Variants in CAND1 observed in about 807,000 individuals in gnomAD.
The protein encoded by CAND1 is cullin-associated NEDD8-dissociated protein 1.
Under a neutral mutation model 108.5 loss-of-function variants are expected in CAND1, and 7 were observed. The observed-to-expected ratio is 0.06, with a 90% CI of 0.04 to 0.12. The LOEUF (loss-of-function observed/expected upper bound fraction) is 0.12. CAND1 is among the 10% of genes least tolerant of loss of function. CAND1 has a pLI of 1.00. For synonymous variants in CAND1, 534 were observed against 512.0 expected (o/e 1.04, Z -0.58); for missense variants, 941 against 1,448.7 (o/e 0.65, Z 5.69).
intron 7 of CAND1, among the ~76,000 whole-genome samples, chr12:67,300,853 G>GT (rs2044818242): frequency 6.6e-6 from 1 of 152,130 alleles, no homozygotes; most frequent in South Asian, 2.1e-4. Flanking sequence ...GAAGAAAGCA[G>GT]TAGCAATGTA....
At chr12:67,309,771 TC>T (rs1321450092) in intron 11 of CAND1, 129 bp from the exon 12 acceptor site, 1 of 627,122 alleles carries the variant, frequency 1.6e-6, no homozygotes, top group Admixed American at 3.1e-5. Flanking sequence ...ATCAGGTTCT[TC>T]CCTGACCGTC....
At chr12:67,274,785 G>C (rs925488572) in intron 1 of CAND1, among the ~76,000 whole-genome samples, 1 of 151,976 alleles carries the variant, frequency 6.6e-6, no homozygotes, top group Non-Finnish European at 1.5e-5. Flanking sequence ...GATATTGGAC[G>C]GTATTTTCTT....
intron 1 of CAND1, among the ~76,000 whole-genome samples, chr12:67,277,899 A>G (rs2044584641): frequency 6.6e-6 from 1 of 152,168 alleles, no homozygotes; most frequent in Admixed American, 6.5e-5. Flanking sequence ...TCCATTCAGT[A>G]TGGCCAAATG....
At position 67,305,384 on chromosome 12, in the gene CAND1, C is replaced by A. The variant is rs747489110; in HGVS notation, c.1716C>A (p.Thr572=). The A allele has an allele frequency of 6.2e-7, 1 of 1,614,098 alleles. No homozygotes were observed. The highest frequency in any genetic ancestry group is 8.5e-7 in the Non-Finnish European group (1 of 1,180,006). The stretch of plus-strand genomic sequence containing the variant: ...ATATCAAAGATCTATTTACCTGTAC[C>A]ATTAAGAGATTAAAAGCAGCTGACA... ...TPYIKDLFTC[T]IKRLKAADID... is the part of the protein sequence containing the mutation. The change falls in exon 10 of 15, where the codon ACC becomes ACA. Residue 572 remains threonine (T), a synonymous_variant. Coordinates refer to ENST00000545606, the MANE Select transcript of CAND1 (RefSeq NM_018448.5). This position sits in a 1 kb window ranked among gnomAD's most constrained non-coding sequence, Gnocchi z 4.4.
intron 4 of CAND1, among the ~76,000 whole-genome samples, chr12:67,296,872 A>G (rs899269286): frequency 6.6e-6 from 1 of 152,138 alleles, no homozygotes; most frequent in Non-Finnish European, 1.5e-5. Context: ...ATCATGGCTC[A>G]TTGCAGCCTC....
intron 1 of CAND1, chr12:67,270,149 G>C: frequency 5.0e-6 from 1 of 201,702 alleles, no homozygotes; most frequent in Non-Finnish European, 1.0e-5. Context: ...TAGGCCGGGA[G>C]ACCGGGCGCC....
chr12:67,279,388 C>T (rs937504126), intron 1 of CAND1, among the ~76,000 whole-genome samples: 5 of 152,040 alleles, frequency 3.3e-5, no homozygotes, highest in African/African-American at 1.2e-4. Flanking sequence ...CCATGGACAG[C>T]TTTCAAACTG....
In CAND1 at chr12:67,292,130, G is replaced by C. The variant is rs2044728157; in HGVS notation, c.213-492G>C. Among the ~76,000 whole-genome samples the C allele has an allele frequency of 1.2e-4, 19 of 152,062 alleles. No individual in the cohort carries two copies. In the South Asian group the frequency reaches 3.9e-3, roughly 32 times the overall value. On this transcript the variant is annotated intron_variant, in intron 2 of 14. Transcript: ENST00000545606. ...GATCCACCCGCCTGGTCCTCCCGAA[G>C]TGCTGGGATTACAGGTATGAGCCAC... is the stretch of plus-strand genomic sequence containing the variant.
intron 3 of CAND1, 73 bp downstream of exon 3, chr12:67,292,849 C>CT: frequency 2.7e-6 from 4 of 1,476,334 alleles, no homozygotes; most frequent in Non-Finnish European, 3.8e-6. Context: ...TTTTCCCCTT[C>CT]TGGCCAAGGA....
intron 2 of CAND1, among the ~76,000 whole-genome samples, chr12:67,288,083 T>C (rs1332563412): frequency 6.6e-6 from 1 of 151,948 alleles, no homozygotes; most frequent in Non-Finnish European, 1.5e-5. Flanking sequence ...TAAAGTGTTT[T>C]ATAAGTGTCA....
rs2045018332 is a variant in CAND1, at chr12:67,317,448, C to CT, written c.*4624dup. ...TTGCCCAGCCACATGTTGTTGATTT[C>CT]TTTTTTCTTTTTTTTTCTTTCTTAA... On this transcript the variant is annotated 3_prime_UTR_variant, in exon 15 of 15. Coordinates refer to ENST00000545606, the MANE Select transcript of CAND1 (RefSeq NM_018448.5). 1 of 129,894 alleles carries CT rather than the reference C, an allele frequency of 7.7e-6. No individual in the cohort carries two copies. Among genetic ancestry groups the CT allele is most frequent in the Non-Finnish European group, 1.7e-5 (1 of 58,384 alleles). The allele number at this position is 129,894 out of a possible 1,614,324, so 8.0% of individuals were successfully genotyped here.
At chr12:67,309,295 T>C (rs1461970837) in intron 11 of CAND1, among the ~76,000 whole-genome samples, 1 of 151,984 alleles carries the variant, frequency 6.6e-6, no homozygotes, top group Non-Finnish European at 1.5e-5. Flanking sequence ...CTAGATGGCT[T>C]CTCTGGCTTT....
At chr12:67,312,004 C>G (rs1000123397) in intron 14 of CAND1, among the ~76,000 whole-genome samples, 34 of 152,130 alleles carry the variant, frequency 2.2e-4, no homozygotes, top group African/African-American at 7.5e-4. Context: ...ATTGCTATAT[C>G]AATATGTTAA....
chr12:67,295,193 A>G, intron 4 of CAND1, 37 bp downstream of exon 4: 1 of 1,547,276 alleles, frequency 6.5e-7, no homozygotes, highest in South Asian at 1.2e-5. Context: ...CTCGTAATAC[A>G]GATAACTACA....
At chr12:67,293,444 A>G (rs1395667457) in intron 3 of CAND1, among the ~76,000 whole-genome samples, 3 of 152,200 alleles carry the variant, frequency 2.0e-5, no homozygotes, top group Non-Finnish European at 4.4e-5. Context: ...TCATGGGAAG[A>G]TTTAGATTGG....
intron 1 of CAND1, among the ~76,000 whole-genome samples, chr12:67,279,388 C>A (rs937504126): frequency 6.6e-6 from 1 of 152,040 alleles, no homozygotes; most frequent in African/African-American, 2.4e-5. Context: ...CCATGGACAG[C>A]TTTCAAACTG....
At chr12:67,281,325 C>G (rs1487526916) in intron 1 of CAND1, among the ~76,000 whole-genome samples, 4 of 151,244 alleles carry the variant, frequency 2.6e-5, no homozygotes, top group Non-Finnish European at 5.9e-5. Flanking sequence ...GCAAGACTCC[C>G]TCTACAAAAA....
At chr12:67,278,622 G>A (rs918844461) in intron 1 of CAND1, among the ~76,000 whole-genome samples, 1 of 152,016 alleles carries the variant, frequency 6.6e-6, no homozygotes, top group African/African-American at 2.4e-5. Context: ...AGGTTCAAGC[G>A]ATTCTCCTGC....
At chr12:67,286,154 C>T (rs2044668991) in intron 2 of CAND1, among the ~76,000 whole-genome samples, 1 of 152,042 alleles carries the variant, frequency 6.6e-6, no homozygotes, top group Admixed American at 6.6e-5. Flanking sequence ...ACTACAGGCA[C>T]CCGCCACCAC....
Sources: gnomAD v4.1 joint callset for allele counts (sites outside exome capture counted in the v4.1 genomes callset) on GRCh38, gnomAD v4.1.1 for gene constraint, Gnocchi (gnomAD v3.1) non-coding constraint, MANE v1.5 for transcripts, NCBI Gene and HGNC (gene_info 2026-07-23, HGNC 2026-07-21) for gene names.